Variants in LRFN5 observed in about 807,000 individuals in gnomAD.
LRFN5 encodes leucine-rich repeat and fibronectin type-III domain-containing protein 5.
LRFN5 carries 24 observed loss-of-function variants against 45.6 expected under a neutral mutation model. The observed-to-expected ratio is 0.53, with a 90% confidence interval of 0.38 to 0.74. LRFN5 has a LOEUF of 0.74. Ranked by LOEUF, LRFN5 falls within the 30% of genes least tolerant of loss-of-function variation. The probability of loss-of-function intolerance (pLI) is 0.00; values close to 1 mark genes in which losing one functional copy is unlikely to be tolerated. For missense variants in LRFN5, 776 were observed against 861.5 expected (o/e 0.90, Z 1.24); for synonymous variants, 340 against 313.8 (o/e 1.08, Z -0.88).
rs1891196976 is a variant in LRFN5, at chr14:41,904,463, C to T, written c.*288C>T. ...GGCATCAAGTTCTGTATCAATCCAT[C>T]TTACATTGCCATCCATGATTTAACA... On this transcript the variant is annotated 3_prime_UTR_variant, in exon 6 of 6. Coordinates refer to ENST00000298119, the MANE Select transcript of LRFN5 (RefSeq NM_152447.5). The T allele has an allele frequency of 3.0e-6, 1 of 334,248 alleles. No individual in the cohort carries two copies. Among genetic ancestry groups the T allele is most frequent in the Admixed American group, 4.7e-5 (1 of 21,424 alleles). The allele number at this position is 334,248 out of a possible 1,614,324, so 20.7% of individuals were successfully genotyped here.
At chr14:41,793,123 A>G (rs1220855589) in intron 2 of LRFN5, among the ~76,000 whole-genome samples, 3 of 151,770 alleles carry the variant, frequency 2.0e-5, no homozygotes, top group African/African-American at 7.3e-5. Flanking sequence ...CATTGTGCAC[A>G]TGTACCCTAA....
At chr14:41,882,764 T>C (rs906104583) in intron 2 of LRFN5, among the ~76,000 whole-genome samples, 1 of 151,870 alleles carries the variant, frequency 6.6e-6, no homozygotes, top group Non-Finnish European at 1.5e-5. Flanking sequence ...ATTCGTTTTA[T>C]CCCAAGTTAT....
intron 2 of LRFN5, among the ~76,000 whole-genome samples, chr14:41,779,343 A>G (rs1238196064): frequency 2.6e-5 from 4 of 152,006 alleles, no homozygotes; most frequent in African/African-American, 9.6e-5. Flanking sequence ...ATCATGGTGT[A>G]TAATTTTTCA....
chr14:41,741,129 A>G (rs1331920966), intron 1 of LRFN5, among the ~76,000 whole-genome samples: 1 of 151,672 alleles, frequency 6.6e-6, no homozygotes, highest in Non-Finnish European at 1.5e-5. Context: ...ACTATTTTAA[A>G]AACATACATA....
intron 1 of LRFN5, among the ~76,000 whole-genome samples, chr14:41,681,551 T>C (rs888084889): frequency 7.9e-5 from 12 of 151,768 alleles, no homozygotes; most frequent in Non-Finnish European, 1.3e-4. Context: ...ATAATATCCA[T>C]CAAATATAAG....
At chr14:41,857,271 G>C (rs1487197499) in intron 2 of LRFN5, among the ~76,000 whole-genome samples, 1 of 152,092 alleles carries the variant, frequency 6.6e-6, no homozygotes, top group South Asian at 2.1e-4. Context: ...TTCAGTGGTA[G>C]AGCCATGCTT....
At chr14:41,616,240 G>A (rs551334583) in intron 1 of LRFN5, among the ~76,000 whole-genome samples, 6 of 152,072 alleles carry the variant, frequency 3.9e-5, no homozygotes, top group Non-Finnish European at 5.9e-5. Context: ...TGCATCATGA[G>A]CTGTCTGTTC....
chr14:41,903,905 T>A (rs1006460997), intron 5 of LRFN5, among the ~76,000 whole-genome samples: 8 of 152,064 alleles, frequency 5.3e-5, no homozygotes, highest in Non-Finnish European at 8.8e-5. Context: ...CTAGGCTTCA[T>A]ATACTTAGAT....
chr14:41,847,499 C>A (rs1004087436), intron 2 of LRFN5, among the ~76,000 whole-genome samples: 1 of 152,012 alleles, frequency 6.6e-6, no homozygotes, highest in Non-Finnish European at 1.5e-5. Flanking sequence ...CTCCTTAATA[C>A]TTCTCAAATT....
chr14:41,722,211 A>G (rs2138772321), intron 1 of LRFN5, among the ~76,000 whole-genome samples: 1 of 152,204 alleles, frequency 6.6e-6, no homozygotes, highest in East Asian at 1.9e-4. Context: ...TCAATTTCAG[A>G]AATTCTGATT....
chr14:41,891,633 C>T lies in LRFN5; in HGVS notation c.1769C>T (p.Ser590Phe). The T allele has an allele frequency of 1.2e-6, 2 of 1,614,170 alleles. No homozygotes were observed. Among genetic ancestry groups the T allele is most frequent in the African/African-American group, 2.7e-5 (2 of 75,036 alleles). The change falls in exon 4 of 6, where the codon TCC (serine) becomes TTC (phenylalanine). Residue 590 changes from serine (S) to phenylalanine (F), a missense_variant. By Grantham distance (155) the Ser-to-Phe change is radical (BLOSUM62 -2). Coordinates refer to ENST00000298119, the MANE Select transcript of LRFN5 (RefSeq NM_152447.5). Reference sequence around the variant, plus strand: ...AGTGTAACGCTGCCCCAGTCCGTGTCCAAACAAGCTGTGGGACACGAAGAG... The same window carrying T: ...AGTGTAACGCTGCCCCAGTCCGTGTTCAAACAAGCTGTGGGACACGAAGAG... ...GCSVTLPQSVSKQAVGHEENA... is the reference protein window; with the variant it reads ...GCSVTLPQSVFKQAVGHEENA...
intron 1 of LRFN5, among the ~76,000 whole-genome samples, chr14:41,738,372 A>T (rs949533112): frequency 3.3e-5 from 5 of 152,342 alleles, no homozygotes; most frequent in Middle Eastern, 6.8e-3. Flanking sequence ...CTTAAATGTA[A>T]GACCTAAAAC....
At chr14:41,706,545 C>T (rs1218960712) in intron 1 of LRFN5, among the ~76,000 whole-genome samples, 2 of 152,002 alleles carry the variant, frequency 1.3e-5, no homozygotes, top group Non-Finnish European at 2.9e-5. Context: ...TTTTAAAAAG[C>T]CTATCAAAAT....
chr14:41,705,153 AG>A (rs1420750738), intron 1 of LRFN5, among the ~76,000 whole-genome samples: 2 of 151,792 alleles, frequency 1.3e-5, no homozygotes, highest in African/African-American at 4.8e-5. Flanking sequence ...ATTGCAAATG[AG>A]CCTCAAAATC....
At chr14:41,807,876 A>C (rs1215616787) in intron 2 of LRFN5, among the ~76,000 whole-genome samples, 1 of 152,004 alleles carries the variant, frequency 6.6e-6, no homozygotes, top group Non-Finnish European at 1.5e-5. Context: ...AATGTAAAAA[A>C]TAATTTTGAG....
At chr14:41,691,158 TA>T in intron 1 of LRFN5, among the ~76,000 whole-genome samples, 1 of 152,268 alleles carries the variant, frequency 6.6e-6, no homozygotes, top group East Asian at 1.9e-4. Context: ...TGCCTCATTT[TA>T]GGCTTAATTT....
chr14:41,685,587 T>TA (rs1429582098), intron 1 of LRFN5, among the ~76,000 whole-genome samples: 2 of 152,208 alleles, frequency 1.3e-5, no homozygotes, highest in Non-Finnish European at 2.9e-5. Flanking sequence ...CTAAGGTTTT[T>TA]ATGATTTGGG....
chr14:41,857,070 G>A (rs1889497748), intron 2 of LRFN5, among the ~76,000 whole-genome samples: 1 of 151,624 alleles, frequency 6.6e-6, no homozygotes, highest in Non-Finnish European at 1.5e-5. Flanking sequence ...TCAGTATTTT[G>A]CAATTCTTTC....
chr14:41,673,940 G>C (rs1381357022), intron 1 of LRFN5, among the ~76,000 whole-genome samples: 7 of 140,192 alleles, frequency 5.0e-5, no homozygotes, highest in Non-Finnish European at 1.1e-4. Context: ...CTGGCTGGGC[G>C]GGGGGCTGAC....
Sources: gnomAD v4.1 joint callset for allele counts (sites outside exome capture counted in the v4.1 genomes callset) on GRCh38, gnomAD v4.1.1 for gene constraint, MANE v1.5 for transcripts, NCBI Gene and HGNC (gene_info 2026-07-23, HGNC 2026-07-21) for gene names.